The following ILRUN variants were observed in gnomAD, a reference collection of about 807,000 sequenced individuals.
ILRUN encodes protein ILRUN.
ILRUN carries 3 observed loss-of-function variants against 33.8 expected under a neutral mutation model. The observed-to-expected ratio is 0.09, with a 90% CI of 0.04 to 0.23. The LOEUF is 0.23. ILRUN is among the 10% of genes least tolerant of loss of function. ILRUN has a pLI of 1.00. For missense variants in ILRUN, 210 were observed against 375.1 expected, an observed-to-expected ratio of 0.56 and a Z score of 3.64; for synonymous variants, 124 against 138.9, an observed-to-expected ratio of 0.89 and a Z score of 0.75.
At position 34,609,216 on chromosome 6, in the gene ILRUN, C is replaced by T. The variant is rs377553943; in HGVS notation, c.512-2312G>A. On this transcript the variant is annotated intron_variant, in intron 3 of 4. Coordinates refer to ENST00000374023, the MANE Select transcript of ILRUN (RefSeq NM_024294.4). ...CAAAAGAAGGCAGCCTGGCTGGGCA[C>T]GGTGGCTCATGCCTGTAATCCCAAC... Among the ~76,000 whole-genome samples the T allele has an allele frequency of 5.9e-4, 90 of 152,240 alleles. 2 individuals are homozygous for T. The South Asian group carries it at 0.017, about 28-fold the overall frequency.
chr6:34,665,577 C>T (rs909087250), intron 1 of ILRUN, among the ~76,000 whole-genome samples: 1 of 152,030 alleles, frequency 6.6e-6, no homozygotes, highest in African/African-American at 2.4e-5. Context: ...GCGTGAGCCA[C>T]CATGACCAGC....
At chr6:34,689,273 G>A (rs1763597422) in intron 1 of ILRUN, among the ~76,000 whole-genome samples, 1 of 151,632 alleles carries the variant, frequency 6.6e-6, no homozygotes, top group African/African-American at 2.4e-5. Context: ...GTTCAAGGCC[G>A]TAGTGTGCTA....
At chr6:34,628,425 G>A (rs1199394256) in intron 3 of ILRUN, among the ~76,000 whole-genome samples, 4 of 151,070 alleles carry the variant, frequency 2.6e-5, no homozygotes, top group Admixed American at 6.6e-5. Context: ...CCAGGTTCAC[G>A]CCATTCTCCT....
At chr6:34,682,280 G>A (rs1339536381) in intron 1 of ILRUN, among the ~76,000 whole-genome samples, 1 of 67,114 alleles carries the variant, frequency 1.5e-5, no homozygotes, top group Non-Finnish European at 2.5e-5. Flanking sequence ...TTTTTTTTGA[G>A]ACAGTCTCGC....
chr6:34,636,824 G>A lies in ILRUN; in HGVS notation c.511+9777C>T, dbSNP rs553719316. Among the ~76,000 whole-genome samples the A allele has an allele frequency of 2.0e-5, 3 of 151,986 alleles. No homozygotes were observed. In the South Asian group the frequency reaches 6.2e-4, roughly 32 times the overall value. On this transcript the variant is annotated intron_variant, in intron 3 of 4. Coordinates refer to ENST00000374023, the MANE Select transcript of ILRUN (RefSeq NM_024294.4). ...AGAAACATGTTCTAGTCTGATCTAG[G>A]GGCAAGTGCACACAATGGCACTTAC...
intron 3 of ILRUN, among the ~76,000 whole-genome samples, chr6:34,613,256 A>C (rs957756239): frequency 3.3e-5 from 5 of 151,992 alleles, no homozygotes; most frequent in African/African-American, 1.2e-4. Context: ...CAAAAAACCA[A>C]AGCCAATCAA....
In ILRUN at chr6:34,592,726, CAGCTTAA is replaced by C. The variant is rs1279212071; in HGVS notation, c.862-2133_862-2127del. 6.6e-6 allele frequency among the ~76,000 whole-genome samples: 1 copy of C among 152,140 alleles called. No individual in the cohort carries two copies. Among genetic ancestry groups the C allele is most frequent in the Admixed American group, 6.5e-5 (1 of 15,274 alleles). On this transcript the variant is annotated intron_variant, in intron 4 of 4. Coordinates refer to ENST00000374023, the MANE Select transcript of ILRUN (RefSeq NM_024294.4). This position sits in a 1 kb window ranked among gnomAD's most constrained non-coding sequence, Gnocchi z 4.0. ...TACACCAACCTAATAGAACGTAAAG[CAGCTTAA>C]AACAAGCTGCCCTGACTCAGCAGTT... is the stretch of plus-strand genomic sequence containing the variant.
Position 34,590,513 on chromosome 6 carries a change from C to A in ILRUN, c.*52G>T, listed in dbSNP as rs1235575141. ...CAGAGGAACCCCTTGCCCTAACCCC[C>A]CAAAGTCAGGCCTTCTGTCTTTTGT... On this transcript the variant is annotated 3_prime_UTR_variant, in exon 5 of 5. Transcript: ENST00000374023. 18 of 1,612,750 alleles carry A rather than the reference C, an allele frequency of 1.1e-5. No individual in the cohort carries two copies. The Admixed American group carries it at 2.8e-4, about 25-fold the overall frequency.
At chr6:34,647,556 T>C (rs753874216) in intron 2 of ILRUN, among the ~76,000 whole-genome samples, 31 of 152,102 alleles carry the variant, frequency 2.0e-4, no homozygotes, top group Non-Finnish European at 1.0e-4. Flanking sequence ...TAGATTTTTA[T>C]AGAGTTACAG....
chr6:34,595,675 G>T, intron 4 of ILRUN: 1 of 788,016 alleles, frequency 1.3e-6, no homozygotes, highest in Non-Finnish European at 1.5e-6. Flanking sequence ...ACGAAAGCTT[G>T]TTGTTTAGAT....
chr6:34,665,773 G>A (rs748019444), intron 1 of ILRUN, among the ~76,000 whole-genome samples: 63 of 152,060 alleles, frequency 4.1e-4, no homozygotes, highest in Middle Eastern at 3.4e-3. Flanking sequence ...ACAAAATTAT[G>A]AACCAACATT....
chr6:34,621,198 CCTT>C (rs1302247485), intron 3 of ILRUN, among the ~76,000 whole-genome samples: 1 of 152,178 alleles, frequency 6.6e-6, no homozygotes, highest in South Asian at 2.1e-4. Flanking sequence ...AAGAGCATCA[CCTT>C]CTTACTCTAA....
At chr6:34,667,475 T>C (rs1387216217) in intron 1 of ILRUN, among the ~76,000 whole-genome samples, 1 of 152,176 alleles carries the variant, frequency 6.6e-6, no homozygotes, top group African/African-American at 2.4e-5. Context: ...CAACCACCTA[T>C]GCAGTATCAA....
chr6:34,694,405 G>A lies in ILRUN; in HGVS notation c.158+2041C>T, dbSNP rs530919275. 9.9e-5 allele frequency among the ~76,000 whole-genome samples: 15 copies of A among 152,260 alleles called. No individual in the cohort carries two copies. The East Asian group carries it at 2.5e-3, about 25-fold the overall frequency. On this transcript the variant is annotated intron_variant, in intron 1 of 4. Coordinates refer to ENST00000374023, the MANE Select transcript of ILRUN (RefSeq NM_024294.4). ...CCTATGCTGAACTAGTGTAAACAAGGAAGAAAAAGAGCCAGAGGTGGGAAG... is the reference window on the plus strand; with the variant it reads ...CCTATGCTGAACTAGTGTAAACAAGAAAGAAAAAGAGCCAGAGGTGGGAAG...
In ILRUN at chr6:34,624,608, A is replaced by C. The variant is rs570849765; in HGVS notation, c.512-17704T>G. Among the ~76,000 whole-genome samples the C allele has an allele frequency of 2.0e-5, 3 of 152,264 alleles. No homozygotes were observed. The South Asian group carries it at 6.2e-4, about 32-fold the overall frequency. ...CTGGGCCTCCCAAAGTGCTGGGATTACAGGTGTGAGCCACCATGCCCAGCC... is the reference window on the plus strand; with the variant it reads ...CTGGGCCTCCCAAAGTGCTGGGATTCCAGGTGTGAGCCACCATGCCCAGCC... On this transcript the variant is annotated intron_variant, in intron 3 of 4. Transcript: ENST00000374023.
intron 1 of ILRUN, among the ~76,000 whole-genome samples, chr6:34,681,985 G>A (rs1763367924): frequency 6.7e-6 from 1 of 148,416 alleles, no homozygotes; most frequent in Non-Finnish European, 1.5e-5. Context: ...CCAAGTAGTT[G>A]GGATTACAGG....
At chr6:34,634,541 C>T (rs550388539) in intron 3 of ILRUN, among the ~76,000 whole-genome samples, 1 of 151,640 alleles carries the variant, frequency 6.6e-6, no homozygotes, top group African/African-American at 2.4e-5. Flanking sequence ...TTTTCAAAGA[C>T]CAATAAAATT....
At chr6:34,605,383 T>C (rs996421513) in intron 4 of ILRUN, among the ~76,000 whole-genome samples, 1 of 148,734 alleles carries the variant, frequency 6.7e-6, no homozygotes, top group African/African-American at 2.5e-5. Context: ...ATCCCAGCAC[T>C]TCGGGAGGCC....
At chr6:34,604,457 T>C (rs1371799626) in intron 4 of ILRUN, among the ~76,000 whole-genome samples, 2 of 152,254 alleles carry the variant, frequency 1.3e-5, no homozygotes, top group Non-Finnish European at 2.9e-5. Context: ...ACTGCAGCGA[T>C]GGCCAAGCCA....
Sources: gnomAD v4.1 joint callset for allele counts (sites outside exome capture counted in the v4.1 genomes callset) on GRCh38, gnomAD v4.1.1 for gene constraint, Gnocchi (gnomAD v3.1) non-coding constraint, MANE v1.5 for transcripts, NCBI Gene and HGNC (gene_info 2026-07-23, HGNC 2026-07-21) for gene names.